The following TRAPPC11 variants were observed in gnomAD, a reference collection of about 807,000 sequenced individuals.
TRAPPC11 encodes trafficking protein particle complex subunit 11.
A neutral mutation model predicts 151.2 loss-of-function variants in TRAPPC11; 104 were observed. That is an observed-to-expected ratio of 0.69 (90% confidence interval 0.59 to 0.81). The LOEUF (loss-of-function observed/expected upper bound fraction) is 0.81, where lower values mean the gene tolerates loss of function less well. Ranked by LOEUF, TRAPPC11 falls within the 30% of genes least tolerant of loss-of-function variation. The pLI is 0.00. For synonymous variants in TRAPPC11, 456 were observed against 472.3 expected (o/e 0.97, Z 0.45); for missense variants, 1,230 against 1,349.6 (o/e 0.91, Z 1.39).
chr4:183,685,044 AT>A (rs1735895851), intron 15 of TRAPPC11, 39 bp from the exon 16 acceptor site: 3 of 1,574,814 alleles, frequency 1.9e-6, no homozygotes, highest in Admixed American at 1.7e-5. Context: ...AGACTTAATT[AT>A]AAGTACTTAA....
chr4:183,659,825 A>G (rs944729552), intron 1 of TRAPPC11, among the ~76,000 whole-genome samples: 13 of 152,090 alleles, frequency 8.5e-5, no homozygotes, highest in South Asian at 2.1e-4. Context: ...TTCGTTTTGT[A>G]GTTGAACATC....
intron 25 of TRAPPC11, among the ~76,000 whole-genome samples, chr4:183,699,196 A>G (rs973042280): frequency 2.0e-5 from 3 of 152,016 alleles, no homozygotes; most frequent in Non-Finnish European, 2.9e-5. Flanking sequence ...TTCATCCAAC[A>G]TTGCCCCCAG....
At chr4:183,709,504 A>G (rs879530364) in intron 29 of TRAPPC11, among the ~76,000 whole-genome samples, 3 of 152,204 alleles carry the variant, frequency 2.0e-5, no homozygotes, top group Non-Finnish European at 2.9e-5. Flanking sequence ...GGCCTGGCGC[A>G]GTGGCTCACA....
At chr4:183,687,295 GTGTGTA>G (rs1736028289) in intron 18 of TRAPPC11, among the ~76,000 whole-genome samples, 2 of 6,770 alleles carry the variant, frequency 3.0e-4, no homozygotes, top group South Asian at 0.012. Context: ...CTCTGTGTGT[GTGTGTA>G]TATATATATA....
At chr4:183,679,666 T>C (rs1014878036) in intron 9 of TRAPPC11, among the ~76,000 whole-genome samples, 180 bp downstream of exon 9, 4 of 152,232 alleles carry the variant, frequency 2.6e-5, no homozygotes, top group African/African-American at 9.6e-5. Flanking sequence ...AGTTCCTTAA[T>C]GGGAATTATT....
In TRAPPC11 at chr4:183,663,734, TTG is replaced by T. The variant is rs1491077464; in HGVS notation, c.-21-111_-21-110del. On this transcript the variant is annotated intron_variant, in intron 1 of 29. Coordinates refer to ENST00000334690, the MANE Select transcript of TRAPPC11 (RefSeq NM_021942.6). ...TTCATATATTGGAAATGAATATGAGTTGTTTTTTTTTTTTTTTTTTTGAGACA... is the reference window on the plus strand; with the variant it reads ...TTCATATATTGGAAATGAATATGAGTTTTTTTTTTTTTTTTTTTTGAGACA... 3.8e-4 allele frequency: 225 copies of T among 587,184 alleles called. 2 individuals carry two copies. Among genetic ancestry groups the T allele is most frequent in the East Asian group, 1.3e-3 (44 of 33,792 alleles). 36.4% of individuals were successfully genotyped at this position (587,184 alleles called of 1,614,324 possible). A position where few individuals can be genotyped will look rare whatever the true frequency, so the allele number is the denominator to read the frequency against.
intron 29 of TRAPPC11, among the ~76,000 whole-genome samples, chr4:183,711,007 G>A (rs1053891982): frequency 1.3e-5 from 2 of 151,790 alleles, no homozygotes; most frequent in Non-Finnish European, 2.9e-5. Flanking sequence ...CTCCAGCCTG[G>A]GCAACAGAAT....
At chr4:183,701,917 C>G in intron 26 of TRAPPC11, 109 bp downstream of exon 26, 1 of 779,910 alleles carries the variant, frequency 1.3e-6, no homozygotes, top group South Asian at 1.6e-5. Flanking sequence ...TTCTGAAGAG[C>G]AGAAGTCATG....
intron 9 of TRAPPC11, among the ~76,000 whole-genome samples, 182 bp from the exon 10 acceptor site, chr4:183,679,938 A>C (rs1295060862): frequency 6.6e-6 from 1 of 152,236 alleles, no homozygotes; most frequent in African/African-American, 2.4e-5. Context: ...TATAGAACCT[A>C]TCTGTAACCT....
intron 9 of TRAPPC11, among the ~76,000 whole-genome samples, chr4:183,679,745 G>C (rs570403940): frequency 6.6e-6 from 1 of 152,198 alleles, no homozygotes; most frequent in East Asian, 1.9e-4. Flanking sequence ...CTAGGTCCTG[G>C]GGATATAGCA....
chr4:183,694,840 T>C, intron 23 of TRAPPC11, 117 bp downstream of exon 23: 1 of 1,039,280 alleles, frequency 9.6e-7, no homozygotes, highest in South Asian at 1.7e-5. Context: ...TATAGTCTGT[T>C]ATAAATTTTA....
intron 2 of TRAPPC11, among the ~76,000 whole-genome samples, chr4:183,664,347 C>A (rs1170602287): frequency 2.0e-5 from 3 of 151,972 alleles, no homozygotes; most frequent in African/African-American, 7.3e-5. Context: ...CAACATAGTC[C>A]CCTCTAAAAG....
intron 5 of TRAPPC11, among the ~76,000 whole-genome samples, chr4:183,669,131 T>C (rs927318465): frequency 1.3e-5 from 2 of 152,168 alleles, no homozygotes; most frequent in Admixed American, 6.5e-5. Context: ...GAAACTTAAA[T>C]GCAATTAGCA....
chr4:183,702,687 G>A (rs924653440), intron 26 of TRAPPC11, among the ~76,000 whole-genome samples: 4 of 152,178 alleles, frequency 2.6e-5, no homozygotes, highest in Non-Finnish European at 4.4e-5. Flanking sequence ...GGGATGGGGG[G>A]ATACAAGCAG....
At chr4:183,704,745 A>G (rs1009826739) in intron 26 of TRAPPC11, among the ~76,000 whole-genome samples, 71 of 152,080 alleles carry the variant, frequency 4.7e-4, no homozygotes, top group Non-Finnish European at 7.5e-4. Context: ...CCTGGGAGGC[A>G]GAGCTTGCAG....
At chr4:183,702,925 T>A (rs752687017) in intron 26 of TRAPPC11, among the ~76,000 whole-genome samples, 6 of 152,204 alleles carry the variant, frequency 3.9e-5, no homozygotes, top group Non-Finnish European at 7.3e-5. Context: ...GATCTGAATG[T>A]TATGGCTGTC....
At chr4:183,663,734 T>TTG in intron 1 of TRAPPC11, 113 bp from the exon 2 acceptor site, 2 of 587,228 alleles carry the variant, frequency 3.4e-6, no homozygotes, top group Non-Finnish European at 2.9e-6. Context: ...TGAATATGAG[T>TTG]TGTTTTTTTT....
intron 18 of TRAPPC11, among the ~76,000 whole-genome samples, chr4:183,689,579 T>TTTTG (rs1736149851): frequency 6.6e-6 from 1 of 151,956 alleles, no homozygotes; most frequent in African/African-American, 2.4e-5. Context: ...CAGGGGTTTT[T>TTTTG]TTTGTTTGTT....
At chr4:183,666,167 G>T in intron 2 of TRAPPC11, 90 bp from the exon 3 acceptor site, 1 of 1,174,762 alleles carries the variant, frequency 8.5e-7, no homozygotes. Flanking sequence ...TATATTGAAT[G>T]AGATCAATGC....
Sources: gnomAD v4.1 joint callset for allele counts (sites outside exome capture counted in the v4.1 genomes callset) on GRCh38, gnomAD v4.1.1 for gene constraint, MANE v1.5 for transcripts, NCBI Gene and HGNC (gene_info 2026-07-23, HGNC 2026-07-21) for gene names.